The following PRP4K variants were observed in gnomAD, a reference collection of about 807,000 sequenced individuals.
The protein encoded by PRP4K is pre-mRNA processing factor kinase PRP4K, also known as serine/threonine-protein kinase PRP4 homolog.
At chr6:4,056,776 G>C in the PRP4K span, 1 of 1,377,088 alleles carries the variant, frequency 7.3e-7, no homozygotes, top group East Asian at 2.7e-5. Context: ...CACCAAAGGC[G>C]AAATGAGAAA....
At chr6:4,062,257 G>A in the PRP4K span, 2 of 152,642 alleles carry the variant, frequency 1.3e-5, no homozygotes, top group Non-Finnish European at 2.9e-5. The surrounding 1 kb of genome is among the most constrained non-coding windows in gnomAD (Gnocchi z 4.2). Context: ...CCTTCTCCAA[G>A]GGGTCTGATT....
the PRP4K span, among the ~76,000 whole-genome samples, chr6:4,028,437 G>C: frequency 3.3e-4 from 50 of 152,182 alleles, no homozygotes; most frequent in African/African-American, 1.2e-3. Flanking sequence ...GAACTCCTGG[G>C]CTCAAGGAAT....
the PRP4K span, among the ~76,000 whole-genome samples, chr6:4,027,924 GATTTT>G: frequency 2.0e-5 from 3 of 152,066 alleles, no homozygotes; most frequent in Non-Finnish European, 4.4e-5. Flanking sequence ...TGGGCACTTA[GATTTT>G]ATACGCCTAA....
chr6:4,027,490 T>G, the PRP4K span, among the ~76,000 whole-genome samples: 1 of 151,184 alleles, frequency 6.6e-6, no homozygotes, highest in Non-Finnish European at 1.5e-5. Flanking sequence ...TTGATGCTGT[T>G]CCTAAAAATA....
the PRP4K span, chr6:4,043,665 A>G: frequency 0.69 from 522,393 of 755,636 alleles, 180,029 homozygotes; most frequent in East Asian, 0.79. Context: ...AAGGGATTGC[A>G]GATTTGATTG....
At chr6:4,046,986 G>T in the PRP4K span, among the ~76,000 whole-genome samples, 1 of 152,110 alleles carries the variant, frequency 6.6e-6, no homozygotes, top group Non-Finnish European at 1.5e-5. Context: ...AATGCACTCT[G>T]TTACTAAAAA....
chr6:4,037,977 T>C, the PRP4K span, among the ~76,000 whole-genome samples: 2 of 152,122 alleles, frequency 1.3e-5, no homozygotes, highest in Non-Finnish European at 2.9e-5. Flanking sequence ...CAAAGGCCTA[T>C]TTAATTTGCC....
the PRP4K span, chr6:4,049,240 A>G: frequency 3.9e-6 from 3 of 777,868 alleles, no homozygotes; most frequent in Non-Finnish European, 6.1e-6. Context: ...ATTGTGGCAC[A>G]TCCAACAGCT....
At chr6:4,022,562 A>G in the PRP4K span, among the ~76,000 whole-genome samples, 1 of 151,944 alleles carries the variant, frequency 6.6e-6, no homozygotes, top group African/African-American at 2.4e-5. Context: ...TGACTGAGCG[A>G]TAGAAGAAAT....
At chr6:4,026,740 G>C in the PRP4K span, among the ~76,000 whole-genome samples, 1 of 152,198 alleles carries the variant, frequency 6.6e-6, no homozygotes, top group Non-Finnish European at 1.5e-5. Flanking sequence ...CATTATGATA[G>C]GGAGAGACAA....
the PRP4K span, among the ~76,000 whole-genome samples, chr6:4,051,464 C>T: frequency 6.6e-6 from 1 of 151,658 alleles, no homozygotes; most frequent in Non-Finnish European, 1.5e-5. Context: ...CTACAGGCAC[C>T]CGCCACCACC....
chr6:4,060,632 T>A, the PRP4K span: 1 of 1,593,754 alleles, frequency 6.3e-7, no homozygotes, highest in Non-Finnish European at 8.6e-7. The surrounding 1 kb of genome is among the most constrained non-coding windows in gnomAD (Gnocchi z 4.7). Flanking sequence ...ATGAAGAAAC[T>A]CCAAGGGTTT....
chr6:4,051,772 C>G, the PRP4K span, among the ~76,000 whole-genome samples: 1 of 152,162 alleles, frequency 6.6e-6, no homozygotes, highest in Non-Finnish European at 1.5e-5. Flanking sequence ...AGTTGACTAA[C>G]TATAAAGTGT....
At chr6:4,025,150 T>A in the PRP4K span, among the ~76,000 whole-genome samples, 1 of 152,224 alleles carries the variant, frequency 6.6e-6, no homozygotes, top group Non-Finnish European at 1.5e-5. Context: ...GGTATACACA[T>A]CCACTTGGCT....
the PRP4K span, among the ~76,000 whole-genome samples, chr6:4,029,647 C>T: frequency 6.6e-6 from 1 of 152,108 alleles, no homozygotes; most frequent in Admixed American, 6.5e-5. Context: ...GCCATTGTGC[C>T]TGGGCCAACC....
the PRP4K span, chr6:4,041,001 T>C: frequency 3.5e-6 from 5 of 1,416,162 alleles, no homozygotes; most frequent in African/African-American, 1.4e-5. Context: ...AATTGTTAAA[T>C]AATATCCACC....
the PRP4K span, chr6:4,052,789 C>T: frequency 6.2e-7 from 1 of 1,606,400 alleles, no homozygotes; most frequent in South Asian, 1.1e-5. Flanking sequence ...CTGTAAGATC[C>T]TATAGTCAGC....
the PRP4K span, among the ~76,000 whole-genome samples, chr6:4,034,975 T>G: frequency 1.3e-5 from 2 of 152,120 alleles, no homozygotes; most frequent in Non-Finnish European, 2.9e-5. Flanking sequence ...CCTCCCAAAG[T>G]GTTGGGATTA....
At chr6:4,034,956 C>T in the PRP4K span, among the ~76,000 whole-genome samples, 1 of 151,954 alleles carries the variant, frequency 6.6e-6, no homozygotes, top group Non-Finnish European at 1.5e-5. Flanking sequence ...CGTGATCCGC[C>T]CACCTCGGCC....
Sources: allele counts gnomAD v4.1 joint callset (sites outside exome capture counted in the v4.1 genomes callset), GRCh38; gene constraint gnomAD v4.1.1; non-coding constraint Gnocchi (gnomAD v3.1); transcripts MANE v1.5; gene names NCBI Gene and HGNC (gene_info 2026-07-23, HGNC 2026-07-21).